PFKFB3: variants seen among roughly 807,000 people sequenced by gnomAD.
PFKFB3 encodes 6-phosphofructo-2-kinase/fructose-2,6-bisphosphatase 3.
PFKFB3 carries 33 observed loss-of-function variants against 68.0 expected under a neutral mutation model. The ratio of observed to expected loss-of-function variants is 0.49; its 90% confidence interval spans 0.37 to 0.65. The LOEUF is 0.65. PFKFB3 is among the 30% of genes least tolerant of loss of function. The pLI is 0.00. For synonymous variants in PFKFB3, 315 were observed against 288.2 expected, an observed-to-expected ratio of 1.09 and a Z score of -0.94; for missense variants, 586 against 712.2, an observed-to-expected ratio of 0.82 and a Z score of 2.02.
At chr10:6,272,856 A>C in the PFKFB3 span, among the ~76,000 whole-genome samples, 3 of 152,160 alleles carry the variant, frequency 2.0e-5, no homozygotes, top group Non-Finnish European at 2.9e-5. Flanking sequence ...TGGAGGAGGC[A>C]GGCTTTATTT....
the PFKFB3 span, among the ~76,000 whole-genome samples, chr10:6,286,170 G>C: frequency 6.6e-6 from 1 of 151,512 alleles, no homozygotes; most frequent in Non-Finnish European, 1.5e-5. Flanking sequence ...GTAGAGGCAG[G>C]GTTTCACTGT....
At chr10:6,301,172 A>C in the PFKFB3 span, among the ~76,000 whole-genome samples, 2,333 of 152,296 alleles carry the variant, frequency 0.015, 49 homozygotes, top group African/African-American at 0.053. Context: ...AGGAGGAGGC[A>C]TCCACCATTG....
At chr10:6,326,128 C>G in the PFKFB3 span, among the ~76,000 whole-genome samples, 6 of 152,172 alleles carry the variant, frequency 3.9e-5, no homozygotes, top group African/African-American at 1.2e-4. Flanking sequence ...CATGGTCTAC[C>G]TTTGCAAGGA....
intron 14 of PFKFB3, among the ~76,000 whole-genome samples, chr10:6,253,703 G>A (rs1846432843): frequency 6.6e-6 from 1 of 152,084 alleles, no homozygotes; most frequent in African/African-American, 2.4e-5. Context: ...GATAGAGAGG[G>A]CAGTTTGGAC....
At chr10:6,196,236 T>C (rs2131835519) in intron 1 of PFKFB3, among the ~76,000 whole-genome samples, 1 of 152,054 alleles carries the variant, frequency 6.6e-6, no homozygotes, top group East Asian at 1.9e-4. Context: ...GTTCAAGCGA[T>C]TCTTCCACCT....
At chr10:6,184,424 G>A (rs1434069976) in intron 1 of PFKFB3, among the ~76,000 whole-genome samples, 2 of 152,064 alleles carry the variant, frequency 1.3e-5, no homozygotes, top group Admixed American at 1.3e-4. Context: ...GGTCTGGGAT[G>A]GGGTTGACAC....
chr10:6,324,953 C>T, the PFKFB3 span, among the ~76,000 whole-genome samples: 3 of 151,950 alleles, frequency 2.0e-5, no homozygotes, highest in Admixed American at 6.6e-5. Flanking sequence ...CAGATGCATA[C>T]AAGTGTTGGC....
intron 1 of PFKFB3, among the ~76,000 whole-genome samples, chr10:6,156,565 T>G (rs923779841): frequency 2.0e-5 from 3 of 152,152 alleles, no homozygotes; most frequent in Middle Eastern, 3.4e-3. Flanking sequence ...TGATGTGCAG[T>G]GGCACAATCT....
Position 6,220,965 on chromosome 10 carries a change from G to GCTA in PFKFB3, c.831+102_831+103insACT. 1.7e-6 allele frequency: 2 copies of GCTA among 1,183,560 alleles called. No homozygotes were observed. The highest frequency in any genetic ancestry group is 2.5e-6 in the Non-Finnish European group (2 of 805,752). 73.3% of individuals were successfully genotyped at this position (1,183,560 alleles called of 1,614,324 possible). A position where few individuals can be genotyped will look rare whatever the true frequency, so the allele number is the denominator to read the frequency against. ...GTGTGCTGCTGCTGCTGCTGCTGCT[G>GCTA]CTGCTTGGTGTGCTTGCTGTGTGTG... On this transcript the variant is annotated intron_variant, in intron 8 of 14. Transcript: ENST00000379775. The surrounding 1 kb of genome is among the most constrained non-coding windows in gnomAD (Gnocchi z 4.1).
chr10:6,205,097 G>A (rs1236844938), intron 1 of PFKFB3, among the ~76,000 whole-genome samples: 2 of 152,236 alleles, frequency 1.3e-5, no homozygotes. Flanking sequence ...GAGCTGGAGG[G>A]TGGGAATTTG....
Position 6,154,300 on chromosome 10 carries a change from C to T in PFKFB3, c.16+9287C>T, listed in dbSNP as rs921961190. ...CCACTCTGTTGGCCAGGCTGGAGTG[C>T]AGTGGCGCGTTCTCGGCTCACTGCA... On this transcript the variant is annotated intron_variant, in intron 1 of 14. Transcript: ENST00000379789. This position sits in a 1 kb window ranked among gnomAD's most constrained non-coding sequence, Gnocchi z 4.6. 6.6e-6 allele frequency among the ~76,000 whole-genome samples: 1 copy of T among 150,908 alleles called. No homozygotes were observed. The highest frequency in any genetic ancestry group is 2.4e-5 in the African/African-American group (1 of 40,904).
At chr10:6,288,960 G>A in the PFKFB3 span, among the ~76,000 whole-genome samples, 2 of 151,556 alleles carry the variant, frequency 1.3e-5, no homozygotes, top group Non-Finnish European at 2.9e-5. Context: ...GCCAGTGATG[G>A]TGAGCATTTT....
At chr10:6,211,834 C>T (rs1021601302) in intron 1 of PFKFB3, among the ~76,000 whole-genome samples, 1 of 152,234 alleles carries the variant, frequency 6.6e-6, no homozygotes, top group African/African-American at 2.4e-5. Flanking sequence ...GAGAAGGCCA[C>T]TAATGGTCTC....
chr10:6,148,637 TA>T (rs1841476251), intron 1 of PFKFB3, among the ~76,000 whole-genome samples: 1 of 152,058 alleles, frequency 6.6e-6, no homozygotes, highest in Non-Finnish European at 1.5e-5. Context: ...ACGTGAAACA[TA>T]AAAGAAATTC....
the PFKFB3 span, among the ~76,000 whole-genome samples, chr10:6,291,027 T>G: frequency 6.6e-6 from 1 of 152,234 alleles, no homozygotes. Flanking sequence ...TTTATTTTTG[T>G]TTTTAACTTT....
the PFKFB3 span, among the ~76,000 whole-genome samples, chr10:6,275,251 T>A: frequency 6.6e-6 from 1 of 152,232 alleles, no homozygotes; most frequent in African/African-American, 2.4e-5. This position sits in a 1 kb window ranked among gnomAD's most constrained non-coding sequence, Gnocchi z 4.9. Flanking sequence ...GCTGCTCCCT[T>A]CTCTGTCCTC....
intron 1 of PFKFB3, among the ~76,000 whole-genome samples, chr10:6,205,583 G>T (rs1843629062): frequency 6.6e-6 from 1 of 151,740 alleles, no homozygotes; most frequent in Admixed American, 6.6e-5. Context: ...AGTAAAGACG[G>T]GGTTTCACCA....
At chr10:6,257,849 A>G (rs1417224836), downstream of PFKFB3, among the ~76,000 whole-genome samples, 1 of 152,174 alleles carries the variant, frequency 6.6e-6, no homozygotes, top group Non-Finnish European at 1.5e-5. Flanking sequence ...CCTGATCCCC[A>G]TGCGGGACTC....
chr10:6,189,545 C>T lies in PFKFB3; in HGVS notation c.17-24078C>T, dbSNP rs368607248. On this transcript the variant is annotated intron_variant, in intron 1 of 14. Transcript: ENST00000379789. The stretch of plus-strand genomic sequence containing the variant: ...TTTTTTTTTTTTTGGGAGACAGTCT[C>T]GCTCTGTCACCCAGGCTGGAGTGCA... Among the ~76,000 whole-genome samples the T allele has an allele frequency of 5.4e-5, 8 of 147,816 alleles. No individual in the cohort carries two copies. The South Asian group carries it at 1.1e-3, about 20-fold the overall frequency.
Sources: allele counts gnomAD v4.1 joint callset (sites outside exome capture counted in the v4.1 genomes callset), GRCh38; gene constraint gnomAD v4.1.1; non-coding constraint Gnocchi (gnomAD v3.1); transcripts MANE v1.5; gene names NCBI Gene and HGNC (gene_info 2026-07-23, HGNC 2026-07-21).